The following ZBTB40 variants were observed in gnomAD, a reference collection of about 807,000 sequenced individuals.
The protein encoded by ZBTB40 is zinc finger and BTB domain containing 40.
ZBTB40 carries 60 observed loss-of-function variants against 117.5 expected under a neutral mutation model. The ratio of observed to expected loss-of-function variants is 0.51; its 90% CI spans 0.41 to 0.63. ZBTB40 has a LOEUF of 0.63. Ranked by LOEUF, ZBTB40 falls within the 30% of genes least tolerant of loss-of-function variation. The pLI, the probability that ZBTB40 is intolerant of heterozygous loss-of-function variation, is 0.00. For missense variants in ZBTB40, 1,287 were observed against 1,498.5 expected (o/e 0.86, Z 2.33); for synonymous variants, 525 against 577.1 (o/e 0.91, Z 1.29).
rs371373012 is a variant in ZBTB40, at chr1:22,506,215, A to C, written c.1334A>C (p.Lys445Thr). The change falls in exon 6 of 18, where the codon AAA becomes ACA. Residue 445 changes from lysine (K) to threonine (T), a missense_variant. Lys to Thr is a moderately conservative substitution (Grantham distance 78). Transcript: ENST00000375647. ...GGCCTTCTGCTAGAGAAGTTGCAGA[A>C]ATCAGCCACTTTGCCAAGCACCACA... The part of the protein sequence containing the change: ...NLGLLLEKLQ[K>T]SATLPSTTVQ... 2.1e-5 allele frequency: 34 copies of C among 1,614,076 alleles called. No homozygotes were observed. The highest frequency in any genetic ancestry group is 2.8e-5 in the Non-Finnish European group (33 of 1,180,040).
chr1:22,512,164 A>G, intron 11 of ZBTB40, 30 bp downstream of exon 11: 6 of 1,610,940 alleles, frequency 3.7e-6, no homozygotes, highest in Non-Finnish European at 4.2e-6. Context: ...GGAACAGAGG[A>G]TGATAATTGT....
chr1:22,515,303 G>T (rs1639346371), intron 12 of ZBTB40, among the ~76,000 whole-genome samples: 1 of 152,238 alleles, frequency 6.6e-6, no homozygotes, highest in Admixed American at 6.5e-5. Context: ...GCAAAGGCTG[G>T]ACCTTGGAGG....
chr1:22,481,307 A>G (rs1472243883), intron 1 of ZBTB40, among the ~76,000 whole-genome samples: 1 of 152,086 alleles, frequency 6.6e-6, no homozygotes, highest in Non-Finnish European at 1.5e-5. Flanking sequence ...TAAATTTTCA[A>G]TTTTAGACAT....
intron 1 of ZBTB40, among the ~76,000 whole-genome samples, chr1:22,476,604 G>A (rs763858609): frequency 1.6e-4 from 24 of 152,212 alleles, no homozygotes; most frequent in Non-Finnish European, 2.6e-4. Context: ...TGGAAAGCTG[G>A]CCTAGTTTCT....
chr1:22,517,379 C>T lies in ZBTB40; in HGVS notation c.2748C>T (p.Thr916=), dbSNP rs774191766. 28 of 1,614,036 alleles carry T rather than the reference C, an allele frequency of 1.7e-5. No individual in the cohort carries two copies. The highest frequency in any genetic ancestry group is 1.3e-4 in the African/African-American group (10 of 74,928). ...IELSRHVRTH[T]GDKPYVCRDC... Reference sequence around the variant, plus strand: ...TGTCCCGCCACGTGAGGACCCACACCGGGGACAAGCCCTATGTCTGCAGAG... The same window carrying T: ...TGTCCCGCCACGTGAGGACCCACACTGGGGACAAGCCCTATGTCTGCAGAG... Residue 916 remains threonine, a synonymous_variant, in exon 13 of 18, where the codon ACC becomes ACT. Coordinates refer to ENST00000375647, the MANE Select transcript of ZBTB40 (RefSeq NM_014870.4).
At chr1:22,477,202 G>T (rs974226763) in intron 1 of ZBTB40, among the ~76,000 whole-genome samples, 1 of 152,024 alleles carries the variant, frequency 6.6e-6, no homozygotes, top group Non-Finnish European at 1.5e-5. Flanking sequence ...TAGTTTAATT[G>T]TTTATTTACA....
Position 22,511,921 on chromosome 1 carries a change from C to T in ZBTB40, c.2248C>T (p.Arg750Cys), listed in dbSNP as rs751599103. Reference sequence around the variant, plus strand: ...CGACAAAAGCTTCCATTTCTACTGCCGCCTAAAGGTGCACATGAAGCGCTG... The same window carrying T: ...CGACAAAAGCTTCCATTTCTACTGCTGCCTAAAGGTGCACATGAAGCGCTG... Reference protein sequence around the residue: ...ACDKSFHFYCRLKVHMKRCRV... With the variant: ...ACDKSFHFYCCLKVHMKRCRV... The change falls in exon 11 of 18, where the codon CGC (arginine) becomes TGC (cysteine). Residue 750 changes from arginine to cysteine, a missense_variant. Coordinates refer to ENST00000375647, the MANE Select transcript of ZBTB40 (RefSeq NM_014870.4). 5.0e-5 allele frequency: 81 copies of T among 1,614,046 alleles called. No homozygotes were observed. Among genetic ancestry groups the T allele is most frequent in the Non-Finnish European group, 6.2e-5 (73 of 1,180,032 alleles).
At position 22,508,584 on chromosome 1, in the gene ZBTB40, A is replaced by G. The variant is rs780937274; in HGVS notation, c.1552A>G (p.Ile518Val). The G allele has an allele frequency of 1.2e-6, 2 of 1,614,224 alleles. No individual in the cohort carries two copies. Among genetic ancestry groups the G allele is most frequent in the East Asian group, 2.2e-5 (1 of 44,888 alleles). Residue 518 changes from isoleucine to valine, a missense_variant, in exon 8 of 18, where the codon ATA becomes GTA. By Grantham distance (29) the Ile-to-Val change is conservative. This residue lies in a region of ZBTB40 where 870 missense variants were observed against 934.4 expected (regional missense o/e 0.93). Transcript: ENST00000375647. ...TGGTTCAGGTGGTTTCAATTCTCTG[A>G]TATCAGCAGTTCTAGAAAAGCAGAC... Reference protein sequence around the residue: ...DSGSGGFNSLISAVLEKQTLS... With the variant: ...DSGSGGFNSLVSAVLEKQTLS...
chr1:22,507,149 C>T (rs896311817), intron 6 of ZBTB40, among the ~76,000 whole-genome samples: 6 of 152,130 alleles, frequency 3.9e-5, no homozygotes, highest in Non-Finnish European at 7.3e-5. Flanking sequence ...TACCTGGGGC[C>T]GCACCCTCAC....
chr1:22,464,110 G>A (rs1431774082), intron 1 of ZBTB40, among the ~76,000 whole-genome samples: 2 of 152,190 alleles, frequency 1.3e-5, no homozygotes, highest in African/African-American at 4.8e-5. Flanking sequence ...CAGTGCTTTA[G>A]GTGTAACTCA....
Position 22,512,917 on chromosome 1 carries a change from T to A in ZBTB40, c.2462-7T>A, listed in dbSNP as rs1275341592. The A allele has an allele frequency of 6.2e-7, 1 of 1,614,178 alleles. No individual in the cohort carries two copies. The highest frequency in any genetic ancestry group is 1.7e-5 in the Admixed American group (1 of 60,028). ...CTTCTGGCCTCTGGTGTGCTTGGCT[T>A]CCCTAGGCATGCAGTACCATAAGCT... is the stretch of plus-strand genomic sequence containing the variant. On this transcript the variant is annotated splice_polypyrimidine_tract_variant and splice_region_variant and intron_variant, in intron 11 of 17. Coordinates refer to ENST00000375647, the MANE Select transcript of ZBTB40 (RefSeq NM_014870.4).
intron 8 of ZBTB40, 43 bp downstream of exon 8, chr1:22,508,774 A>T (rs371767000): frequency 8.8e-5 from 139 of 1,583,360 alleles, no homozygotes; most frequent in Non-Finnish European, 1.2e-4. Context: ...CCCACTAGAG[A>T]TGACTGTCAG....
chr1:22,512,034 G>A lies in ZBTB40; in HGVS notation c.2361G>A (p.Glu787=). 1 of 1,614,206 alleles carries A rather than the reference G, an allele frequency of 6.2e-7. No individual in the cohort carries two copies. The highest frequency in any genetic ancestry group is 2.2e-5 in the East Asian group (1 of 44,884). The part of the protein sequence containing the change: ...SKKELDKHQL[E]AHGAGGEPDA... ...AAGAGCTGGACAAACATCAGCTGGA[G>A]GCCCATGGTGCAGGTGGAGAGCCCG... Residue 787 remains glutamate, a synonymous_variant, in exon 11 of 18, where the codon GAG becomes GAA. Coordinates refer to ENST00000375647, the MANE Select transcript of ZBTB40 (RefSeq NM_014870.4).
Position 22,504,579 on chromosome 1 carries a change from A to G in ZBTB40, c.1168-1470A>G, listed in dbSNP as rs866786193. On this transcript the variant is annotated intron_variant, in intron 5 of 17. Transcript: ENST00000375647. Reference sequence around the variant, plus strand: ...CTTCTAATCCAAGCACATTCTCTTAACCCCTATGAGTACTTCTCCCTAATC... The same window carrying G: ...CTTCTAATCCAAGCACATTCTCTTAGCCCCTATGAGTACTTCTCCCTAATC... Among the ~76,000 whole-genome samples the G allele has an allele frequency of 2.6e-5, 4 of 152,258 alleles. No individual in the cohort carries two copies. In the South Asian group the frequency reaches 8.3e-4, roughly 32 times the overall value.
At chr1:22,473,675 C>G (rs1322575659) in intron 1 of ZBTB40, among the ~76,000 whole-genome samples, 1 of 152,180 alleles carries the variant, frequency 6.6e-6, no homozygotes, top group African/African-American at 2.4e-5. Flanking sequence ...GTGTTTGGCT[C>G]ACTGACCAGT....
chr1:22,495,658 C>T (rs567468297), intron 3 of ZBTB40, among the ~76,000 whole-genome samples: 11 of 152,170 alleles, frequency 7.2e-5, no homozygotes, highest in African/African-American at 2.2e-4. Context: ...ACTACAGGCA[C>T]GCACACCCAT....
intron 7 of ZBTB40, 29 bp downstream of exon 7, chr1:22,508,166 G>A (rs779306497): frequency 6.2e-7 from 1 of 1,611,524 alleles, no homozygotes; most frequent in Non-Finnish European, 8.5e-7. Flanking sequence ...CAGAGGGAGG[G>A]GAGGGTAAAA....
intron 17 of ZBTB40, among the ~76,000 whole-genome samples, 184 bp downstream of exon 17, chr1:22,524,628 T>C (rs544104196): frequency 6.6e-6 from 1 of 152,254 alleles, no homozygotes; most frequent in East Asian, 1.9e-4. Flanking sequence ...AAGTGGCCCT[T>C]AGGTAGAGGG....
At chr1:22,465,661 A>G (rs1641237031) in intron 1 of ZBTB40, among the ~76,000 whole-genome samples, 2 of 152,048 alleles carry the variant, frequency 1.3e-5, no homozygotes. Flanking sequence ...TAGCAGGGAG[A>G]AGCCAAACAG....
Sources: gnomAD v4.1 joint callset for allele counts (sites outside exome capture counted in the v4.1 genomes callset) on GRCh38, gnomAD v4.1.1 for gene constraint, gnomAD v4.1.1 regional missense constraint, MANE v1.5 for transcripts, NCBI Gene and HGNC (gene_info 2026-07-23, HGNC 2026-07-21) for gene names.